CLVS1: variants seen among roughly 807,000 people sequenced by gnomAD.
CLVS1 encodes clavesin-1.
CLVS1 carries 10 observed loss-of-function variants against 33.1 expected under a neutral mutation model. The observed-to-expected ratio is 0.30, with a 90% CI of 0.19 to 0.51. The LOEUF (loss-of-function observed/expected upper bound fraction) is 0.51, where lower values mean the gene tolerates loss of function less well. Ranked by LOEUF, CLVS1 falls within the 20% of genes least tolerant of loss-of-function variation. CLVS1 has a pLI of 0.97. For synonymous variants in CLVS1, 163 were observed against 166.1 expected, an observed-to-expected ratio of 0.98 and a Z score of 0.14; for missense variants, 343 against 433.4, an observed-to-expected ratio of 0.79 and a Z score of 1.85.
intron 2 of CLVS1, among the ~76,000 whole-genome samples, chr8:61,307,299 C>T (rs1810664355): frequency 6.6e-6 from 1 of 152,054 alleles, no homozygotes; most frequent in East Asian, 1.9e-4. Context: ...AAAATTGGTT[C>T]CTTAAGGAAG....
intron 2 of CLVS1, among the ~76,000 whole-genome samples, chr8:61,176,783 C>A (rs754378721): frequency 7.2e-5 from 11 of 152,270 alleles, no homozygotes; most frequent in South Asian, 2.1e-4. Context: ...TAGCTTGCTA[C>A]CCAGCCTGGG....
chr8:61,463,166 T>C (rs190013422), intron 5 of CLVS1, among the ~76,000 whole-genome samples: 60 of 152,322 alleles, frequency 3.9e-4, no homozygotes, highest in Admixed American at 3.9e-3. Context: ...TAGCTTCCAA[T>C]TTTTCTTCTA....
chr8:61,376,748 C>T lies in CLVS1; in HGVS notation c.599C>T (p.Ser200Leu), dbSNP rs1813659848. 1 of 1,614,122 alleles carries T rather than the reference C, an allele frequency of 6.2e-7. No homozygotes were observed. The highest frequency in any genetic ancestry group is 8.5e-7 in the Non-Finnish European group (1 of 1,179,968). ...SFKQASKLTP[S>L]ILKLAIEGLQ... ...AAACAAGCCTCCAAACTGACACCTT[C>T]AATCCTTAAACTGGCCATTGAAGGG... is the stretch of plus-strand genomic sequence containing the variant. The change falls in exon 3 of 6, where the codon TCA (serine) becomes TTA (leucine). Residue 200 changes from serine to leucine, a missense_variant. Ser to Leu is a moderately radical substitution (Grantham distance 145). This residue lies in a region of CLVS1 where 166 missense variants were observed against 244.0 expected (regional missense o/e 0.68). Coordinates refer to ENST00000325897, the MANE Select transcript of CLVS1 (RefSeq NM_173519.3).
Position 61,346,014 on chromosome 8 carries a change from C to T in CLVS1, c.456-30591C>T, listed in dbSNP as rs565263468. ...TGTTTATTCGAGAGAGTGCATTTAT[C>T]TCTCTTCTGAGTTACTTTAAGAAGT... On this transcript the variant is annotated intron_variant, in intron 2 of 5. Transcript: ENST00000325897. Among the ~76,000 whole-genome samples the T allele has an allele frequency of 2.0e-5, 3 of 152,258 alleles. No homozygotes were observed. In the South Asian group the frequency reaches 6.2e-4, roughly 32 times the overall value.
intron 3 of CLVS1, among the ~76,000 whole-genome samples, chr8:61,419,065 T>C (rs1815550631): frequency 6.6e-6 from 1 of 152,090 alleles, no homozygotes; most frequent in African/African-American, 2.4e-5. Flanking sequence ...CAGTGAGCTT[T>C]GAAAAGAACA....
Position 61,104,304 on chromosome 8 carries a change from C to T in CLVS1, c.-242-27466C>T, listed in dbSNP as rs75602389. On this transcript the variant is annotated intron_variant, in intron 1 of 2. Coordinates refer to the CLVS1 transcript ENST00000522621. The stretch of plus-strand genomic sequence containing the variant: ...TTCATCATTTGGTCAACTTCAAAGA[C>T]CTTGAGCTGAAATGAGGGTTAAAAA... Among the ~76,000 whole-genome samples the T allele has an allele frequency of 5.8e-3, 880 of 152,294 alleles. 13 individuals are homozygous for T. The highest frequency in any genetic ancestry group is 0.02 in the African/African-American group (839 of 41,546).
At chr8:60,966,661 C>T in the CLVS1 span, 574 of 230,650 alleles carry the variant, frequency 2.5e-3, no homozygotes, top group African/African-American at 0.012. Context: ...GTGGTGGGAG[C>T]TTATGCTGGA....
At position 61,071,026 on chromosome 8, in the gene CLVS1, C is replaced by T. The variant is rs546901626; in HGVS notation, c.-243+13796C>T. 5.9e-5 allele frequency among the ~76,000 whole-genome samples: 9 copies of T among 152,306 alleles called. No homozygotes were observed. The East Asian group carries it at 1.3e-3, about 23-fold the overall frequency. Reference sequence around the variant, plus strand: ...TGCTCCTGTCTACAGAACCAACATCCGCTCTTGACCTGTAACTAAGTACGT... The same window carrying T: ...TGCTCCTGTCTACAGAACCAACATCTGCTCTTGACCTGTAACTAAGTACGT... On this transcript the variant is annotated intron_variant, in intron 1 of 2. Transcript: ENST00000522621.
chr8:60,969,538 G>A, the CLVS1 span, among the ~76,000 whole-genome samples: 10 of 152,136 alleles, frequency 6.6e-5, no homozygotes, highest in East Asian at 1.9e-4. Context: ...GGGGTTATAC[G>A]TGTTTGACGT....
At chr8:61,471,367 C>T (rs563472805) in intron 5 of CLVS1, among the ~76,000 whole-genome samples, 60 of 152,232 alleles carry the variant, frequency 3.9e-4, no homozygotes, top group African/African-American at 1.1e-3. Flanking sequence ...CATTTTGTCA[C>T]GGTTTTGATT....
At chr8:61,039,144 T>C in the CLVS1 span, among the ~76,000 whole-genome samples, 2 of 152,246 alleles carry the variant, frequency 1.3e-5, no homozygotes, top group African/African-American at 2.4e-5. Context: ...ATATGTGTTA[T>C]ATGCAGTCCT....
the CLVS1 span, among the ~76,000 whole-genome samples, chr8:60,972,517 C>A: frequency 6.6e-6 from 1 of 152,084 alleles, no homozygotes; most frequent in African/African-American, 2.4e-5. Context: ...AAGTGATTAC[C>A]AGCCATTATT....
At chr8:61,414,456 T>C (rs149010265) in intron 3 of CLVS1, among the ~76,000 whole-genome samples, 4 of 152,032 alleles carry the variant, frequency 2.6e-5, no homozygotes, top group African/African-American at 9.7e-5. Flanking sequence ...TATATTGAGC[T>C]GAGATTTTTT....
chr8:61,189,465 C>G (rs1231324553), intron 2 of CLVS1, among the ~76,000 whole-genome samples: 1 of 152,218 alleles, frequency 6.6e-6, no homozygotes, highest in Non-Finnish European at 1.5e-5. Flanking sequence ...GCTGCATCAA[C>G]TAATGAGCAA....
chr8:61,114,842 A>AT (rs1157040389), intron 1 of CLVS1, among the ~76,000 whole-genome samples: 1 of 152,124 alleles, frequency 6.6e-6, no homozygotes, highest in Non-Finnish European at 1.5e-5. Context: ...CTCTCCTTCT[A>AT]TTTTTTTGAA....
At chr8:61,036,267 C>T in the CLVS1 span, among the ~76,000 whole-genome samples, 5 of 152,288 alleles carry the variant, frequency 3.3e-5, no homozygotes, top group African/African-American at 7.2e-5. Context: ...AAATGGGATT[C>T]GAGAACAATG....
At chr8:60,969,728 C>T in the CLVS1 span, among the ~76,000 whole-genome samples, 1 of 152,026 alleles carries the variant, frequency 6.6e-6, no homozygotes, top group Non-Finnish European at 1.5e-5. Flanking sequence ...ACACAGTCAG[C>T]CCTCCCTGTC....
intron 3 of CLVS1, among the ~76,000 whole-genome samples, chr8:61,417,797 T>C (rs1051115606): frequency 1.3e-5 from 2 of 152,164 alleles, no homozygotes; most frequent in African/African-American, 4.8e-5. Context: ...CATCTGATGA[T>C]AGCCATGAGC....
the CLVS1 span, among the ~76,000 whole-genome samples, chr8:61,032,961 C>CAAGG: frequency 1.3e-3 from 103 of 80,682 alleles, no homozygotes; most frequent in African/African-American, 2.3e-3. Context: ...TCAAAAGAAA[C>CAAGG]AAGGAAGGAA....
Sources: gnomAD v4.1 joint callset for allele counts (sites outside exome capture counted in the v4.1 genomes callset) on GRCh38, gnomAD v4.1.1 for gene constraint, gnomAD v4.1.1 regional missense constraint, MANE v1.5 for transcripts, NCBI Gene and HGNC (gene_info 2026-07-23, HGNC 2026-07-21) for gene names.